LEMD1: variants seen among roughly 807,000 people sequenced by gnomAD.
LEMD1 encodes the protein LEM domain containing 1.
In LEMD1, 18 loss-of-function variants were observed where a neutral mutation model predicts 17.4. The observed-to-expected ratio is 1.04, with a 90% CI of 0.72 to 1.54. The LOEUF (loss-of-function observed/expected upper bound fraction) is 1.54. LEMD1 is among the 40% of genes most tolerant of loss of function. The pLI, the probability that LEMD1 is intolerant of heterozygous loss-of-function variation, is 0.00. For synonymous variants in LEMD1, 88 were observed against 77.8 expected (o/e 1.13, Z -0.69); for missense variants, 195 against 210.4 (o/e 0.93, Z 0.45).
chr1:205,394,314 A>G (rs1174578575), intron 4 of LEMD1, among the ~76,000 whole-genome samples: 1 of 152,178 alleles, frequency 6.6e-6, no homozygotes. Context: ...GTGGTTTCAC[A>G]GCATTTTGAA....
At chr1:205,390,524 T>A (rs1164251872) in intron 4 of LEMD1, among the ~76,000 whole-genome samples, 2 of 152,228 alleles carry the variant, frequency 1.3e-5, no homozygotes, top group East Asian at 1.9e-4. Context: ...GTCATCGCTC[T>A]ACTTCACTAG....
At chr1:205,408,800 A>G (rs1665249021) in intron 4 of LEMD1, among the ~76,000 whole-genome samples, 1 of 152,034 alleles carries the variant, frequency 6.6e-6, no homozygotes, top group South Asian at 2.1e-4. Flanking sequence ...AAGCTCAGCT[A>G]AATTTAAGTA....
At chr1:205,395,331 A>G (rs544586687) in intron 4 of LEMD1, among the ~76,000 whole-genome samples, 25 of 152,218 alleles carry the variant, frequency 1.6e-4, no homozygotes, top group Non-Finnish European at 2.9e-4. Flanking sequence ...ATGGTGGCTC[A>G]TGCCTGTAAT....
chr1:205,445,742 G>C (rs962015611), intron 1 of LEMD1, among the ~76,000 whole-genome samples: 5 of 152,314 alleles, frequency 3.3e-5, no homozygotes, highest in African/African-American at 1.2e-4. Context: ...CTGGCCCACC[G>C]TAAGAGTGGG....
At chr1:205,429,037 C>T (rs1048921620) in intron 1 of LEMD1, among the ~76,000 whole-genome samples, 5 of 152,196 alleles carry the variant, frequency 3.3e-5, no homozygotes, top group Non-Finnish European at 7.3e-5. Flanking sequence ...AAGCCACTTC[C>T]ACCGCCAGCC....
chr1:205,412,957 G>T (rs1228973072), intron 4 of LEMD1, among the ~76,000 whole-genome samples: 1 of 152,162 alleles, frequency 6.6e-6, no homozygotes, highest in Non-Finnish European at 1.5e-5. Flanking sequence ...GAGGTTTACC[G>T]AATGGAAAGG....
In LEMD1 at chr1:205,448,822, C is replaced by T; in HGVS notation, c.-39+1046G>A. ...TAGGCTCCCTCTTTACAAAGCTTAA[C>T]TCTTTCTAGTCCAGCCACTGGAAGC... On this transcript the variant is annotated intron_variant, in intron 1 of 3. Coordinates refer to the LEMD1 transcript ENST00000367154. This position sits in a 1 kb window ranked among gnomAD's most constrained non-coding sequence, Gnocchi z 4.7. Among the ~76,000 whole-genome samples, 1 of 152,178 alleles carries T rather than the reference C, an allele frequency of 6.6e-6. No individual in the cohort carries two copies. The highest frequency in any genetic ancestry group is 1.5e-5 in the Non-Finnish European group (1 of 68,030).
chr1:205,428,781 T>A (rs1255501233), intron 1 of LEMD1, among the ~76,000 whole-genome samples: 2 of 151,960 alleles, frequency 1.3e-5, no homozygotes, highest in Admixed American at 1.3e-4. Context: ...TAGGTGGGGA[T>A]GAAAAGAAAT....
chr1:205,399,539 T>C (rs1405257131), intron 4 of LEMD1, among the ~76,000 whole-genome samples: 1 of 152,174 alleles, frequency 6.6e-6, no homozygotes, highest in East Asian at 1.9e-4. Flanking sequence ...TCCAAACACC[T>C]TGTGAAACAC....
At chr1:205,422,583 C>G (rs1665993419), upstream of LEMD1, among the ~76,000 whole-genome samples, 1 of 152,164 alleles carries the variant, frequency 6.6e-6, no homozygotes, top group Non-Finnish European at 1.5e-5. Flanking sequence ...TCTGGATACT[C>G]TTATAAGCCA....
intron 4 of LEMD1, among the ~76,000 whole-genome samples, chr1:205,394,024 A>G (rs907240333): frequency 5.3e-5 from 8 of 152,230 alleles, no homozygotes; most frequent in African/African-American, 1.9e-4. Context: ...ATTCAGCCAT[A>G]AAAAGGAATG....
intron 4 of LEMD1, among the ~76,000 whole-genome samples, chr1:205,394,784 T>C (rs6681448): frequency 0.35 from 53,097 of 151,778 alleles, 9,383 homozygotes; most frequent in South Asian, 0.49. Flanking sequence ...GTCAGGAGTT[T>C]GAGACCAACC....
Position 205,389,037 on chromosome 1 carries a change from C to CTTTTTTTT in LEMD1, c.271-4681_271-4674dup, listed in dbSNP as rs61341380. Among the ~76,000 whole-genome samples the CTTTTTTTT allele has an allele frequency of 8.6e-4, 67 of 77,840 alleles. 3 individuals are homozygous for CTTTTTTTT. The highest frequency in any genetic ancestry group is 1.0e-3 in the Non-Finnish European group (42 of 42,194). The allele number at this position is 77,840 out of a possible 152,430, so 51.1% of individuals were successfully genotyped here. On this transcript the variant is annotated intron_variant, in intron 4 of 5. Coordinates refer to ENST00000367153, the MANE Select transcript of LEMD1 (RefSeq NM_001199050.2). ...AATCACCAAAAAGTACATTTGCTTT[C>CTTTTTTTT]TTTTTTTTTTTTTTTTTTTTTTTTT...
intron 4 of LEMD1, among the ~76,000 whole-genome samples, chr1:205,387,950 C>T (rs1462464895): frequency 4.6e-5 from 7 of 152,226 alleles, no homozygotes; most frequent in Non-Finnish European, 8.8e-5. Context: ...ATTTCATTCT[C>T]AAAACCACCC....
intron 1 of LEMD1, among the ~76,000 whole-genome samples, chr1:205,429,526 C>A (rs1666098223): frequency 6.6e-6 from 1 of 152,132 alleles, no homozygotes; most frequent in Admixed American, 6.5e-5. Flanking sequence ...TTAGAACATC[C>A]ATTATGCCCT....
chr1:205,414,624 G>C (rs2102423054), intron 4 of LEMD1, among the ~76,000 whole-genome samples: 1 of 151,900 alleles, frequency 6.6e-6, no homozygotes. Context: ...GGTCTCCCTA[G>C]GTTGCCCAGG....
chr1:205,381,919 A>G (rs1261021654), intron 5 of LEMD1, 63 bp from the exon 6 acceptor site: 5 of 1,536,972 alleles, frequency 3.3e-6, no homozygotes, highest in Non-Finnish European at 4.5e-6. Flanking sequence ...GTAGCCCCTT[A>G]AAGTGTGTGG....
At chr1:205,430,809 C>G (rs1433975078) in intron 1 of LEMD1, among the ~76,000 whole-genome samples, 1 of 152,198 alleles carries the variant, frequency 6.6e-6, no homozygotes, top group Admixed American at 6.5e-5. Context: ...TGGGGCGCCC[C>G]GCCCCCGCGC....
intron 1 of LEMD1, among the ~76,000 whole-genome samples, chr1:205,443,640 T>C (rs759121369): frequency 6.6e-6 from 1 of 152,226 alleles, no homozygotes; most frequent in Non-Finnish European, 1.5e-5. Context: ...GGCCTGGTTA[T>C]TCTGCTCAGA....
Sources: gnomAD v4.1 joint callset for allele counts (sites outside exome capture counted in the v4.1 genomes callset) on GRCh38, gnomAD v4.1.1 for gene constraint, Gnocchi (gnomAD v3.1) non-coding constraint, MANE v1.5 for transcripts, NCBI Gene and HGNC (gene_info 2026-07-23, HGNC 2026-07-21) for gene names.